Variants in KCTD8 observed in about 807,000 individuals in gnomAD.
KCTD8 encodes potassium channel tetramerization domain containing 8, also known as BTB/POZ domain-containing protein KCTD8.
In KCTD8, 27 loss-of-function variants were observed where a neutral mutation model predicts 31.5. The observed-to-expected ratio is 0.86, with a 90% CI of 0.63 to 1.18. The LOEUF is 1.18. Among genes scored for constraint, KCTD8 ranks in the 50% most tolerant of loss-of-function variants. The probability of loss-of-function intolerance (pLI) is 0.00; values close to 1 mark genes in which losing one functional copy is unlikely to be tolerated. For missense variants in KCTD8, 658 were observed against 647.7 expected, an observed-to-expected ratio of 1.02 and a Z score of -0.17; for synonymous variants, 290 against 280.0, an observed-to-expected ratio of 1.04 and a Z score of -0.36.
rs1553901459 is a variant in KCTD8, at chr4:44,324,053, AAAAAC to A, written c.961+123505_961+123509del. ...AAACTTAAAGTATAATTAAAAAAAA[AAAAAC>A]AAAACAAAACAAAACAAAAAAAAAA... On this transcript the variant is annotated intron_variant, in intron 1 of 1. Coordinates refer to ENST00000360029, the MANE Select transcript of KCTD8 (RefSeq NM_198353.3). 2.8e-3 allele frequency among the ~76,000 whole-genome samples: 401 copies of A among 144,990 alleles called. 2 individuals are homozygous for A. Among genetic ancestry groups the A allele is most frequent in the Non-Finnish European group, 4.4e-3 (294 of 66,836 alleles).
At chr4:44,331,545 A>T (rs975848332) in intron 1 of KCTD8, among the ~76,000 whole-genome samples, 15 of 151,684 alleles carry the variant, frequency 9.9e-5, no homozygotes, top group Non-Finnish European at 1.9e-4. Context: ...AATGAATGTG[A>T]CACACATGAA....
chr4:44,344,359 A>ATTT (rs1165644842), intron 1 of KCTD8, among the ~76,000 whole-genome samples: 2 of 151,818 alleles, frequency 1.3e-5, no homozygotes, highest in Non-Finnish European at 2.9e-5. Flanking sequence ...TAATGTTTTC[A>ATTT]TTTTTTTGTA....
chr4:44,262,712 TTA>T (rs1716218676), intron 1 of KCTD8, among the ~76,000 whole-genome samples: 1 of 152,116 alleles, frequency 6.6e-6, no homozygotes, highest in Non-Finnish European at 1.5e-5. Flanking sequence ...TCCAAAATGG[TTA>T]TGTTTCTCCC....
At chr4:44,343,374 T>A (rs951158989) in intron 1 of KCTD8, among the ~76,000 whole-genome samples, 26 of 152,318 alleles carry the variant, frequency 1.7e-4, no homozygotes, top group African/African-American at 5.8e-4. Context: ...TTAAGCTCAC[T>A]GTCTTCTATG....
chr4:44,239,167 C>T (rs1030805964), intron 1 of KCTD8, among the ~76,000 whole-genome samples: 9 of 152,094 alleles, frequency 5.9e-5, no homozygotes, highest in Admixed American at 3.9e-4. Flanking sequence ...TCTGTAAAAT[C>T]GAAAGCACAA....
intron 1 of KCTD8, among the ~76,000 whole-genome samples, chr4:44,344,070 G>T (rs1229925673): frequency 1.3e-5 from 2 of 152,024 alleles, no homozygotes; most frequent in Non-Finnish European, 2.9e-5. Context: ...TGTTGGCCAG[G>T]ATGGTCTTGA....
At chr4:44,265,410 G>C (rs1560409983) in intron 1 of KCTD8, among the ~76,000 whole-genome samples, 2 of 152,032 alleles carry the variant, frequency 1.3e-5, no homozygotes, top group Non-Finnish European at 2.9e-5. Context: ...CATCATCAAA[G>C]ACCAAAAGTA....
chr4:44,290,379 A>T (rs1024211205), intron 1 of KCTD8, among the ~76,000 whole-genome samples: 8 of 152,168 alleles, frequency 5.3e-5, no homozygotes, highest in African/African-American at 1.9e-4. Context: ...AGACTTCAGC[A>T]CACCACTGAG....
At chr4:44,446,646 C>T (rs953875326) in intron 1 of KCTD8, among the ~76,000 whole-genome samples, 1 of 152,164 alleles carries the variant, frequency 6.6e-6, no homozygotes, top group Non-Finnish European at 1.5e-5. Flanking sequence ...CAGATGCTTT[C>T]CCAAATCTAT....
At chr4:44,435,050 G>T (rs1435436864) in intron 1 of KCTD8, among the ~76,000 whole-genome samples, 2 of 151,952 alleles carry the variant, frequency 1.3e-5, no homozygotes, top group Admixed American at 1.3e-4. Context: ...AGCTTGCATA[G>T]AACTTTCAAC....
At chr4:44,418,038 T>C (rs1186778573) in intron 1 of KCTD8, among the ~76,000 whole-genome samples, 1 of 152,162 alleles carries the variant, frequency 6.6e-6, no homozygotes, top group Non-Finnish European at 1.5e-5. Flanking sequence ...AGCAGACAGA[T>C]ATACAACTCA....
At chr4:44,195,557 T>C (rs1011692037) in intron 1 of KCTD8, among the ~76,000 whole-genome samples, 3 of 152,220 alleles carry the variant, frequency 2.0e-5, no homozygotes, top group Admixed American at 6.5e-5. Context: ...TGTTTTTTAT[T>C]GGTTTCGTTC....
chr4:44,343,059 T>C, intron 1 of KCTD8, among the ~76,000 whole-genome samples: 1 of 152,242 alleles, frequency 6.6e-6, no homozygotes, highest in Non-Finnish European at 1.5e-5. Flanking sequence ...AGTTGCACTT[T>C]TACTTTCCTT....
intron 1 of KCTD8, among the ~76,000 whole-genome samples, chr4:44,408,873 T>TC (rs1720878548): frequency 6.6e-6 from 1 of 151,958 alleles, no homozygotes; most frequent in African/African-American, 2.4e-5. Context: ...CACCTCGGCC[T>TC]CCCAAAGTGC....
At chr4:44,238,016 C>T (rs1251791775) in intron 1 of KCTD8, among the ~76,000 whole-genome samples, 1 of 152,188 alleles carries the variant, frequency 6.6e-6, no homozygotes, top group African/African-American at 2.4e-5. Context: ...TATTTCACTG[C>T]TCTCAGGATG....
chr4:44,412,276 T>C (rs892370316), intron 1 of KCTD8, among the ~76,000 whole-genome samples: 6 of 152,122 alleles, frequency 3.9e-5, no homozygotes, highest in African/African-American at 1.4e-4. Flanking sequence ...ACAAGACTAC[T>C]ATAATAATTA....
chr4:44,423,126 G>A (rs1264373923), intron 1 of KCTD8, among the ~76,000 whole-genome samples: 3 of 152,090 alleles, frequency 2.0e-5, no homozygotes, highest in Admixed American at 6.6e-5. Flanking sequence ...GGAGGAGAAT[G>A]TGCTACTAGC....
chr4:44,338,436 G>C (rs547233411), intron 1 of KCTD8, among the ~76,000 whole-genome samples: 1 of 152,252 alleles, frequency 6.6e-6, no homozygotes, highest in East Asian at 1.9e-4. Context: ...GTAAAGACCA[G>C]AGAGAGTAGA....
chr4:44,213,511 A>T (rs918985679), intron 1 of KCTD8, among the ~76,000 whole-genome samples: 1 of 152,176 alleles, frequency 6.6e-6, no homozygotes, highest in Admixed American at 6.5e-5. Context: ...GTTCATTATT[A>T]TCTGTTCCTA....
Sources: allele counts gnomAD v4.1 joint callset (sites outside exome capture counted in the v4.1 genomes callset), GRCh38; gene constraint gnomAD v4.1.1; transcripts MANE v1.5; gene names NCBI Gene and HGNC (gene_info 2026-07-23, HGNC 2026-07-21).